RABGAP1L: variants seen among roughly 807,000 people sequenced by gnomAD.
RABGAP1L encodes the protein RAB GTPase activating protein 1 like, also known as rab GTPase-activating protein 1-like.
In RABGAP1L, 63 loss-of-function variants were observed where a neutral mutation model predicts 137.7. The ratio of observed to expected loss-of-function variants is 0.46; its 90% CI spans 0.37 to 0.56. The LOEUF (loss-of-function observed/expected upper bound fraction) is 0.56, where lower values mean the gene tolerates loss of function less well. Ranked by LOEUF, RABGAP1L falls within the 20% of genes least tolerant of loss-of-function variation. The pLI, the probability that RABGAP1L is intolerant of heterozygous loss-of-function variation, is 0.00. For synonymous variants in RABGAP1L, 431 were observed against 433.7 expected (o/e 0.99, Z 0.08); for missense variants, 1,095 against 1,244.0 (o/e 0.88, Z 1.80).
intron 13 of RABGAP1L, among the ~76,000 whole-genome samples, chr1:174,612,105 G>A (rs1671310562): frequency 6.6e-6 from 1 of 152,162 alleles, no homozygotes; most frequent in Non-Finnish European, 1.5e-5. Context: ...GAATAGGAGT[G>A]GTGAGAGAGG....
Position 174,847,134 on chromosome 1 carries a change from A to G in RABGAP1L, c.2340+35174A>G, listed in dbSNP as rs1166836381. On this transcript the variant is annotated intron_variant, in intron 19 of 25. Transcript: ENST00000681986. ...GCCTATGTGTGTCTCTGCACGTGAG[A>G]TGGGTTTCCTGAATACAGCACACTG... Among the ~76,000 whole-genome samples, 5 of 147,554 alleles carry G rather than the reference A, an allele frequency of 3.4e-5. 1 individual carries two copies. Among genetic ancestry groups the G allele is most frequent in the Admixed American group, 2.0e-4 (3 of 14,730 alleles).
intron 19 of RABGAP1L, among the ~76,000 whole-genome samples, chr1:174,846,477 G>A (rs1337020793): frequency 9.0e-5 from 13 of 144,810 alleles, no homozygotes; most frequent in African/African-American, 2.7e-4. Context: ...CCTTCATTTC[G>A]TTACGTACCC....
intron 19 of RABGAP1L, chr1:174,850,152 G>A: frequency 2.2e-6 from 1 of 458,486 alleles, no homozygotes; most frequent in Admixed American, 2.4e-5. Context: ...GATCCTGCGA[G>A]TCACTGCAGC....
Position 174,448,671 on chromosome 1 carries a change from G to A in RABGAP1L, c.1710+54526G>A. 6.2e-7 allele frequency: 1 copy of A among 1,613,850 alleles called. No individual in the cohort carries two copies. The highest frequency in any genetic ancestry group is 8.5e-7 in the Non-Finnish European group (1 of 1,179,838). On this transcript the variant is annotated intron_variant, in intron 13 of 25. Transcript: ENST00000681986. This position sits in a 1 kb window ranked among gnomAD's most constrained non-coding sequence, Gnocchi z 4.2. Reference sequence around the variant, plus strand: ...GGCTGGGGGAAACCTGGTTACCATGGTGACATTTTTGAATGGTGTGCCACG... The same window carrying A: ...GGCTGGGGGAAACCTGGTTACCATGATGACATTTTTGAATGGTGTGCCACG...
intron 13 of RABGAP1L, among the ~76,000 whole-genome samples, chr1:174,419,205 C>G (rs1219166437): frequency 6.6e-6 from 1 of 152,100 alleles, no homozygotes; most frequent in Non-Finnish European, 1.5e-5. Context: ...AGAAACATTA[C>G]CTAGGACAGA....
chr1:174,410,365 A>G (rs1294572719), intron 13 of RABGAP1L, among the ~76,000 whole-genome samples: 1 of 152,094 alleles, frequency 6.6e-6, no homozygotes, highest in East Asian at 1.9e-4. Flanking sequence ...TAAAAATTTT[A>G]ATTCATCTGG....
intron 19 of RABGAP1L, among the ~76,000 whole-genome samples, chr1:174,905,095 G>C (rs1658822266): frequency 6.6e-6 from 1 of 152,068 alleles, no homozygotes. Flanking sequence ...GGTGCCACAA[G>C]AGCCAAAAAG....
intron 13 of RABGAP1L, among the ~76,000 whole-genome samples, chr1:174,397,875 C>T (rs78840512): frequency 0.073 from 11,119 of 152,232 alleles, 601 homozygotes; most frequent in East Asian, 0.32. Flanking sequence ...TAGATCCTCA[C>T]AGACTTCCTC....
Position 174,448,420 on chromosome 1 carries a change from C to A in RABGAP1L, c.1710+54275C>A. On this transcript the variant is annotated intron_variant, in intron 13 of 25. Transcript: ENST00000681986. This position sits in a 1 kb window ranked among gnomAD's most constrained non-coding sequence, Gnocchi z 4.2. ...TGGTTCCTACTCTGTCACTTCTCCA[C>A]TACTCCACAGGTGTCCACGAGTCAT... 1 of 1,612,514 alleles carries A rather than the reference C, an allele frequency of 6.2e-7. No individual in the cohort carries two copies. The highest frequency in any genetic ancestry group is 8.5e-7 in the Non-Finnish European group (1 of 1,178,484).
intron 13 of RABGAP1L, among the ~76,000 whole-genome samples, chr1:174,445,913 G>A (rs1422387106): frequency 2.0e-5 from 3 of 152,144 alleles, no homozygotes; most frequent in Admixed American, 6.5e-5. Flanking sequence ...CAGTTCCATT[G>A]TCTTCTTTTG....
At chr1:174,300,553 G>A (rs1677590460) in intron 10 of RABGAP1L, among the ~76,000 whole-genome samples, 1 of 148,528 alleles carries the variant, frequency 6.7e-6, no homozygotes. Context: ...AAAAAAGTGA[G>A]GTGCCAGGGA....
chr1:174,615,270 G>C (rs1355558368), intron 13 of RABGAP1L, among the ~76,000 whole-genome samples: 1 of 149,872 alleles, frequency 6.7e-6, no homozygotes, highest in East Asian at 2.0e-4. Context: ...TGGATGTCCT[G>C]TTTTGTTAGT....
At chr1:174,671,085 A>G (rs1277489533) in intron 14 of RABGAP1L, among the ~76,000 whole-genome samples, 1 of 152,102 alleles carries the variant, frequency 6.6e-6, no homozygotes, top group Non-Finnish European at 1.5e-5. Flanking sequence ...ATAAACCTGT[A>G]GATGTTTTAA....
intron 1 of RABGAP1L, chr1:174,159,917 C>T (rs1664285824): frequency 6.6e-6 from 1 of 152,318 alleles, no homozygotes; most frequent in African/African-American, 2.4e-5. Flanking sequence ...GCGCCCTTAC[C>T]TGGGGGTGGG....
intron 19 of RABGAP1L, among the ~76,000 whole-genome samples, chr1:174,887,590 A>C (rs1370243603): frequency 7.5e-6 from 1 of 132,704 alleles, no homozygotes; most frequent in Non-Finnish European, 1.5e-5. Context: ...CCATATTTAT[A>C]GCCCAGGGAT....
chr1:174,898,718 A>C (rs1657645612), intron 19 of RABGAP1L, among the ~76,000 whole-genome samples: 1 of 152,226 alleles, frequency 6.6e-6, no homozygotes, highest in Non-Finnish European at 1.5e-5. Context: ...AAGGATACTA[A>C]ACAGTGACTG....
chr1:174,654,777 A>G (rs148587504), intron 14 of RABGAP1L, among the ~76,000 whole-genome samples: 1 of 152,258 alleles, frequency 6.6e-6, no homozygotes, highest in Non-Finnish European at 1.5e-5. Context: ...TTTGCCAGCT[A>G]TGTTAGATAA....
intron 19 of RABGAP1L, among the ~76,000 whole-genome samples, chr1:174,863,449 G>A (rs1405889743): frequency 3.4e-5 from 5 of 146,626 alleles, no homozygotes; most frequent in South Asian, 2.2e-4. Flanking sequence ...CGAGGCGGGT[G>A]GATCACGAGG....
At chr1:174,914,531 A>T (rs1660541530) in intron 19 of RABGAP1L, among the ~76,000 whole-genome samples, 1 of 152,180 alleles carries the variant, frequency 6.6e-6, no homozygotes, top group Non-Finnish European at 1.5e-5. Context: ...CCACAGTAAT[A>T]CCTCTAAATG....
Sources: allele counts gnomAD v4.1 joint callset (sites outside exome capture counted in the v4.1 genomes callset), GRCh38; gene constraint gnomAD v4.1.1; non-coding constraint Gnocchi (gnomAD v3.1); transcripts MANE v1.5; gene names NCBI Gene and HGNC (gene_info 2026-07-23, HGNC 2026-07-21).